TPST2: variants seen among roughly 807,000 people sequenced by gnomAD.
TPST2 encodes tyrosylprotein sulfotransferase 2.
A neutral mutation model predicts 27.8 loss-of-function variants in TPST2; 16 were observed. The ratio of observed to expected loss-of-function variants is 0.58; its 90% CI spans 0.39 to 0.88. The LOEUF (loss-of-function observed/expected upper bound fraction) is 0.88, where lower values mean the gene tolerates loss of function less well. TPST2 is among the 40% of genes least tolerant of loss of function. The pLI, the probability that TPST2 is intolerant of heterozygous loss-of-function variation, is 0.00. For synonymous variants in TPST2, 229 were observed against 231.7 expected (o/e 0.99, Z 0.10); for missense variants, 464 against 543.1 (o/e 0.85, Z 1.45).
At chr22:26,560,785 A>G (rs1257673651) in intron 1 of TPST2, 1 of 1,294,160 alleles carries the variant, frequency 7.7e-7, no homozygotes, top group Admixed American at 1.7e-5. Flanking sequence ...GAGACAAAAA[A>G]GAAGTTCAAG....
rs1927050105 is a variant in TPST2, at chr22:26,560,850, T to C, written c.-160-16175A>G. On this transcript the variant is annotated intron_variant, in intron 1 of 6. Transcript: ENST00000338754. ...GGCCTTCTTCCTGTTCTGCTCTGCG[T>C]ATCGCCCAAAAATCAAAGGAGAACA... is the stretch of plus-strand genomic sequence containing the variant. 3.1e-6 allele frequency: 5 copies of C among 1,587,824 alleles called. No individual in the cohort carries two copies. The Admixed American group carries it at 8.3e-5, about 26-fold the overall frequency.
At chr22:26,586,545 G>A (rs916730348) in intron 1 of TPST2, among the ~76,000 whole-genome samples, 14 of 152,054 alleles carry the variant, frequency 9.2e-5, no homozygotes, top group Non-Finnish European at 1.8e-4. Flanking sequence ...CCATGCACCC[G>A]GCCTAGGCTG....
At chr22:26,564,282 G>C (rs1227847929) in intron 1 of TPST2, among the ~76,000 whole-genome samples, 1 of 152,208 alleles carries the variant, frequency 6.6e-6, no homozygotes, top group East Asian at 1.9e-4. Context: ...GAGCAGGAAG[G>C]AGGAAAGGTT....
At chr22:26,530,631 C>CAAAAA (rs34776057) in intron 5 of TPST2, among the ~76,000 whole-genome samples, 3 of 118,304 alleles carry the variant, frequency 2.5e-5, no homozygotes, top group Admixed American at 9.6e-5. Context: ...AACCCCATCT[C>CAAAAA]AAAAAAAAAA....
At chr22:26,581,642 A>G (rs1928115716) in intron 1 of TPST2, among the ~76,000 whole-genome samples, 1 of 152,238 alleles carries the variant, frequency 6.6e-6, no homozygotes, top group Non-Finnish European at 1.5e-5. Flanking sequence ...TCTCGCCTGT[A>G]AAGTGGAGAC....
chr22:26,566,285 G>A (rs1927374486), intron 1 of TPST2, among the ~76,000 whole-genome samples: 1 of 152,130 alleles, frequency 6.6e-6, no homozygotes, highest in African/African-American at 2.4e-5. Flanking sequence ...GGGTGCGGTG[G>A]CTCACGCCTG....
At chr22:26,556,883 G>T (rs540225863) in intron 1 of TPST2, among the ~76,000 whole-genome samples, 1 of 152,286 alleles carries the variant, frequency 6.6e-6, no homozygotes, top group African/African-American at 2.4e-5. Context: ...ACACTTGATG[G>T]CATATTGTGG....
At chr22:26,540,707 G>C (rs893033775) in intron 3 of TPST2, 82 bp downstream of exon 3, 1 of 1,358,210 alleles carries the variant, frequency 7.4e-7, no homozygotes, top group South Asian at 1.5e-5. Flanking sequence ...CACAGCTCAA[G>C]AAAGGCAGTG....
rs147520358 is a variant in TPST2 at position 26,524,490 on chromosome 22, G to C, written c.*1785C>G. 2 of 150,924 alleles carry C rather than the reference G, an allele frequency of 1.3e-5. No homozygotes were observed. The highest frequency in any genetic ancestry group is 1.9e-4 in the East Asian group (1 of 5,182). 9.3% of individuals were successfully genotyped at this position (150,924 alleles called of 1,614,324 possible). On this transcript the variant is annotated 3_prime_UTR_variant, in exon 7 of 7. Transcript: ENST00000338754. ...CCACTGTACTCTAGCCTGAGTGACAGAGCGAGATTCTGTCTAAACACACAC... is the reference window on the plus strand; with the variant it reads ...CCACTGTACTCTAGCCTGAGTGACACAGCGAGATTCTGTCTAAACACACAC...
chr22:26,526,097 G>C lies in TPST2; in HGVS notation c.*178C>G, dbSNP rs1182578276. ...ACCCTGGAGTGTCCAGAGATAGAGA[G>C]TTTCAAGGTACGTTTTCAATGATTC... On this transcript the variant is annotated 3_prime_UTR_variant, in exon 7 of 7. Transcript: ENST00000338754. 38 of 152,150 alleles carry C rather than the reference G, an allele frequency of 2.5e-4. No individual in the cohort carries two copies. Among genetic ancestry groups the C allele is most frequent in the Non-Finnish European group, 2.6e-4 (18 of 67,964 alleles). 9.4% of individuals were successfully genotyped at this position (152,150 alleles called of 1,614,324 possible). A position where few individuals can be genotyped will look rare whatever the true frequency, so the allele number is the denominator to read the frequency against.
intron 1 of TPST2, among the ~76,000 whole-genome samples, chr22:26,572,831 C>A (rs149119108): frequency 1.0e-3 from 157 of 152,082 alleles, no homozygotes; most frequent in South Asian, 1.9e-3. Context: ...GAGCCTGACA[C>A]TGAGAGGCAT....
intron 1 of TPST2, among the ~76,000 whole-genome samples, chr22:26,551,873 TTTTC>T (rs372969528): frequency 0.046 from 5,722 of 123,200 alleles, 156 homozygotes; most frequent in Non-Finnish European, 0.067. Flanking sequence ...TTTCCTTTTC[TTTTC>T]TTTTTCTTTT....
At chr22:26,556,199 T>C (rs1926782374) in intron 1 of TPST2, among the ~76,000 whole-genome samples, 1 of 152,150 alleles carries the variant, frequency 6.6e-6, no homozygotes, top group South Asian at 2.1e-4. Flanking sequence ...GACAGAATAA[T>C]CACTGTCATC....
At chr22:26,563,201 T>C (rs1430678317) in intron 1 of TPST2, among the ~76,000 whole-genome samples, 3 of 152,184 alleles carry the variant, frequency 2.0e-5, no homozygotes, top group African/African-American at 7.2e-5. Flanking sequence ...TGCCAGGCCT[T>C]GTTCTAGCAC....
chr22:26,564,500 C>T (rs1055412232), intron 1 of TPST2, among the ~76,000 whole-genome samples: 3 of 152,190 alleles, frequency 2.0e-5, no homozygotes, highest in Non-Finnish European at 4.4e-5. Context: ...AGGGAAAGTG[C>T]TCCAGGGCCA....
At chr22:26,570,109 T>C (rs1302943917) in intron 1 of TPST2, among the ~76,000 whole-genome samples, 3 of 151,418 alleles carry the variant, frequency 2.0e-5, no homozygotes, top group Non-Finnish European at 4.4e-5. Flanking sequence ...AAAAATTAAT[T>C]AATCACACTT....
chr22:26,550,411 A>G (rs557461309), intron 1 of TPST2, among the ~76,000 whole-genome samples: 1 of 152,322 alleles, frequency 6.6e-6, no homozygotes, highest in East Asian at 1.9e-4. Flanking sequence ...GAAGGGAGTG[A>G]CATTTGCATT....
intron 1 of TPST2, among the ~76,000 whole-genome samples, chr22:26,557,397 G>C (rs891229801): frequency 6.6e-6 from 1 of 152,196 alleles, no homozygotes; most frequent in Non-Finnish European, 1.5e-5. Flanking sequence ...TCTTACTAGC[G>C]ATGCTGCTGT....
At chr22:26,552,995 G>A (rs1000431536) in intron 1 of TPST2, among the ~76,000 whole-genome samples, 3 of 150,046 alleles carry the variant, frequency 2.0e-5, no homozygotes, top group African/African-American at 7.4e-5. Context: ...GGGAGGCGGA[G>A]GTTGCAGTGA....
Sources: allele counts gnomAD v4.1 joint callset (sites outside exome capture counted in the v4.1 genomes callset), GRCh38; gene constraint gnomAD v4.1.1; transcripts MANE v1.5; gene names NCBI Gene and HGNC (gene_info 2026-07-23, HGNC 2026-07-21).